Variants in UTRN observed in about 807,000 individuals in gnomAD.
UTRN encodes utrophin.
In UTRN, 283 loss-of-function variants were observed where a neutral mutation model predicts 463.9. The observed-to-expected ratio is 0.61, with a 90% CI of 0.55 to 0.67. The LOEUF (loss-of-function observed/expected upper bound fraction) is 0.67. UTRN is among the 30% of genes least tolerant of loss of function. The probability of loss-of-function intolerance (pLI) is 0.00; values close to 1 mark genes in which losing one functional copy is unlikely to be tolerated. For synonymous variants in UTRN, 1,442 were observed against 1,431.5 expected, an observed-to-expected ratio of 1.01 and a Z score of -0.17; for missense variants, 3,922 against 4,084.3, an observed-to-expected ratio of 0.96 and a Z score of 1.08.
chr6:144,390,803 A>C (rs1781839504), intron 2 of UTRN, among the ~76,000 whole-genome samples: 1 of 152,080 alleles, frequency 6.6e-6, no homozygotes, highest in South Asian at 2.1e-4. Context: ...ATGTATCTGT[A>C]CCTGATATAT....
At chr6:144,485,612 TG>T (rs1792362813) in intron 28 of UTRN, 93 bp downstream of exon 28, 1 of 1,534,670 alleles carries the variant, frequency 6.5e-7, no homozygotes, top group Non-Finnish European at 8.8e-7. Flanking sequence ...CGCAGGCAAA[TG>T]CATTTGCTTC....
At chr6:144,794,436 T>C in intron 63 of UTRN, among the ~76,000 whole-genome samples, 1 of 152,236 alleles carries the variant, frequency 6.6e-6, no homozygotes. Flanking sequence ...GATTTTAGCT[T>C]TAGCTATTAC....
intron 50 of UTRN, among the ~76,000 whole-genome samples, chr6:144,565,564 G>A (rs956539633): frequency 6.6e-6 from 1 of 152,130 alleles, no homozygotes; most frequent in African/African-American, 2.4e-5. Context: ...AATTTCCAAT[G>A]AAGTGAAAAA....
At chr6:144,823,855 C>T (rs1779800902) in intron 66 of UTRN, among the ~76,000 whole-genome samples, 1 of 152,092 alleles carries the variant, frequency 6.6e-6, no homozygotes, top group Admixed American at 6.6e-5. Flanking sequence ...AAATAGACAC[C>T]TCTCCCTGGT....
chr6:144,785,520 T>C (rs1223968607), intron 61 of UTRN, among the ~76,000 whole-genome samples: 2 of 152,226 alleles, frequency 1.3e-5, no homozygotes, highest in Non-Finnish European at 2.9e-5. Context: ...TATTTCTATA[T>C]CTAGGAAACA....
intron 52 of UTRN, among the ~76,000 whole-genome samples, chr6:144,684,796 C>T (rs1306707029): frequency 1.3e-5 from 2 of 152,048 alleles, no homozygotes; most frequent in Non-Finnish European, 2.9e-5. Context: ...ATATACTGGA[C>T]CTGTCTATCT....
At chr6:144,790,663 G>C (rs1019147448) in intron 62 of UTRN, among the ~76,000 whole-genome samples, 1 of 152,178 alleles carries the variant, frequency 6.6e-6, no homozygotes, top group South Asian at 2.1e-4. Flanking sequence ...ACTTTATCCA[G>C]AATTGAAGTA....
intron 54 of UTRN, among the ~76,000 whole-genome samples, chr6:144,732,509 C>A (rs974044731): frequency 6.6e-6 from 1 of 151,808 alleles, no homozygotes; most frequent in Non-Finnish European, 1.5e-5. Flanking sequence ...TCTCTCTCTT[C>A]CACTTTAGTC....
intron 54 of UTRN, among the ~76,000 whole-genome samples, chr6:144,732,110 C>T (rs1298935333): frequency 6.6e-6 from 1 of 151,390 alleles, no homozygotes; most frequent in Admixed American, 6.6e-5. Flanking sequence ...GATCTGCCTG[C>T]CTCAGCCTCC....
chr6:144,841,373 A>AAGTC (rs1781562152), intron 73 of UTRN, among the ~76,000 whole-genome samples: 1 of 152,192 alleles, frequency 6.6e-6, no homozygotes, highest in Non-Finnish European at 1.5e-5. Context: ...CAAACAATTT[A>AAGTC]AGTCATCATA....
chr6:144,504,659 C>T (rs1418069518), intron 34 of UTRN, among the ~76,000 whole-genome samples: 1 of 152,184 alleles, frequency 6.6e-6, no homozygotes, highest in Non-Finnish European at 1.5e-5. Context: ...ATTCAGTTTG[C>T]CAGCATTTTA....
At chr6:144,820,546 G>T (rs1779516840) in intron 65 of UTRN, among the ~76,000 whole-genome samples, 1 of 152,040 alleles carries the variant, frequency 6.6e-6, no homozygotes, top group Non-Finnish European at 1.5e-5. Context: ...AATTTTTTTA[G>T]TGATAAGAAC....
intron 65 of UTRN, among the ~76,000 whole-genome samples, chr6:144,805,279 G>A (rs1778047653): frequency 1.3e-5 from 2 of 152,158 alleles, no homozygotes; most frequent in African/African-American, 4.8e-5. Flanking sequence ...GAGGAAGAAT[G>A]TGTGAGAATG....
intron 64 of UTRN, among the ~76,000 whole-genome samples, chr6:144,798,537 G>A (rs1777431597): frequency 6.6e-6 from 1 of 152,210 alleles, no homozygotes; most frequent in South Asian, 2.1e-4. Flanking sequence ...AAAGCCGACA[G>A]TGCAGAGTCT....
intron 39 of UTRN, among the ~76,000 whole-genome samples, 184 bp from the exon 40 acceptor site, chr6:144,521,796 A>G (rs1451663609): frequency 2.0e-5 from 3 of 152,084 alleles, no homozygotes; most frequent in Non-Finnish European, 4.4e-5. Context: ...GAAAATTAGG[A>G]TACAGATTGT....
chr6:144,534,747 A>G (rs1797378596), intron 43 of UTRN, among the ~76,000 whole-genome samples: 3 of 152,222 alleles, frequency 2.0e-5, no homozygotes, highest in Admixed American at 2.0e-4. Flanking sequence ...TGATGAAAGA[A>G]AACATCATTA....
chr6:144,331,485 T>G (rs925208210), intron 2 of UTRN, among the ~76,000 whole-genome samples: 1 of 152,174 alleles, frequency 6.6e-6, no homozygotes, highest in African/African-American at 2.4e-5. Context: ...GGGGTAGAAA[T>G]TAAACTGTAA....
chr6:144,314,964 T>A (rs1477540508), intron 2 of UTRN, among the ~76,000 whole-genome samples: 1 of 151,786 alleles, frequency 6.6e-6, no homozygotes, highest in Non-Finnish European at 1.5e-5. Context: ...TTTTCCTTAT[T>A]TATTTATTTA....
rs370835516 is a variant in UTRN at position 144,839,309 on chromosome 6, C to T, written c.10177+25C>T. 1.8e-5 allele frequency: 28 copies of T among 1,564,204 alleles called. No homozygotes were observed. The African/African-American group carries it at 3.0e-4, about 17-fold the overall frequency. Reference sequence around the variant, plus strand: ...GGTCGGTGTCCCCAGCACACAGCTCCTCTGCTGAGTCTGCTTTGTGCTTTG... The same window carrying T: ...GGTCGGTGTCCCCAGCACACAGCTCTTCTGCTGAGTCTGCTTTGTGCTTTG... On this transcript the variant is annotated intron_variant, in intron 72 of 74. Coordinates refer to ENST00000367545, the MANE Select transcript of UTRN (RefSeq NM_007124.3).
Sources: allele counts gnomAD v4.1 joint callset (sites outside exome capture counted in the v4.1 genomes callset), GRCh38; gene constraint gnomAD v4.1.1; transcripts MANE v1.5; gene names NCBI Gene and HGNC (gene_info 2026-07-23, HGNC 2026-07-21).